OPA1: variants seen among roughly 807,000 people sequenced by gnomAD.
The protein encoded by OPA1 is OPA1 mitochondrial dynamin like GTPase.
A neutral mutation model predicts 152.9 loss-of-function variants in OPA1; 59 were observed. The observed-to-expected ratio is 0.39, with a 90% CI of 0.31 to 0.48. The LOEUF is 0.48. Ranked by LOEUF, OPA1 falls within the 20% of genes least tolerant of loss-of-function variation. The pLI is 0.96. For missense variants in OPA1, 1,008 were observed against 1,216.8 expected, an observed-to-expected ratio of 0.83 and a Z score of 2.55; for synonymous variants, 400 against 389.9, an observed-to-expected ratio of 1.03 and a Z score of -0.31.
At chr3:193,637,404 T>C (rs1733124637) in intron 10 of OPA1, 123 bp downstream of exon 10, 1 of 534,902 alleles carries the variant, frequency 1.9e-6, no homozygotes, top group South Asian at 3.1e-5. Context: ...GGCATTTATA[T>C]TTTTTATGTA....
intron 1 of OPA1, among the ~76,000 whole-genome samples, chr3:193,605,272 A>G (rs983048380): frequency 3.9e-5 from 6 of 152,180 alleles, no homozygotes; most frequent in Admixed American, 3.9e-4. Context: ...GACTACAGGA[A>G]ATCTTGGTAT....
At chr3:193,692,677 A>G (rs1284076740) in intron 30 of OPA1, among the ~76,000 whole-genome samples, 1 of 152,210 alleles carries the variant, frequency 6.6e-6, no homozygotes, top group Non-Finnish European at 1.5e-5. Context: ...CTGGCATTAG[A>G]GGCATGTTCC....
intron 12 of OPA1, 27 bp from the exon 13 acceptor site, chr3:193,642,948 T>G: frequency 6.2e-7 from 1 of 1,605,050 alleles, no homozygotes; most frequent in Non-Finnish European, 8.5e-7. Context: ...TTCTTAGATT[T>G]TCTTAGGATT....
intron 27 of OPA1, among the ~76,000 whole-genome samples, chr3:193,665,739 A>G (rs1256850743): frequency 6.6e-6 from 1 of 152,154 alleles, no homozygotes; most frequent in Non-Finnish European, 1.5e-5. Context: ...GCACCTAATT[A>G]AAAGTGGCAA....
chr3:193,653,412 T>G (rs1175787452), intron 21 of OPA1, among the ~76,000 whole-genome samples: 7 of 152,178 alleles, frequency 4.6e-5, no homozygotes, highest in Non-Finnish European at 7.3e-5. Context: ...TCTGCTACCC[T>G]GAGATTTGTG....
intron 1 of OPA1, among the ~76,000 whole-genome samples, chr3:193,610,195 G>A (rs1473349818): frequency 2.0e-5 from 3 of 152,176 alleles, no homozygotes; most frequent in African/African-American, 7.2e-5. Flanking sequence ...TGATGATGGT[G>A]ATGTACAGAT....
At chr3:193,686,012 A>G (rs934363716) in intron 29 of OPA1, among the ~76,000 whole-genome samples, 13 of 152,226 alleles carry the variant, frequency 8.5e-5, no homozygotes, top group Admixed American at 2.6e-4. Context: ...TAATTGCCCC[A>G]TAGATTATTA....
intron 28 of OPA1, 130 bp from the exon 29 acceptor site, chr3:193,667,040 A>G (rs1716722463): frequency 1.6e-6 from 1 of 637,158 alleles, no homozygotes; most frequent in Non-Finnish European, 2.8e-6. Context: ...ATTTTCTATG[A>G]CTATGAAAAG....
chr3:193,601,213 G>C (rs1431382442), intron 1 of OPA1, among the ~76,000 whole-genome samples: 1 of 152,066 alleles, frequency 6.6e-6, no homozygotes, highest in African/African-American at 2.4e-5. Flanking sequence ...CTACCACCAA[G>C]AGTGAGCCCC....
chr3:193,604,692 C>G (rs1427662232), intron 1 of OPA1, among the ~76,000 whole-genome samples: 1 of 151,758 alleles, frequency 6.6e-6, no homozygotes, highest in African/African-American at 2.4e-5. Context: ...GAAACCCTGT[C>G]TCTACTAAAA....
At chr3:193,663,473 A>G (rs1256024892) in intron 26 of OPA1, among the ~76,000 whole-genome samples, 2 of 152,188 alleles carry the variant, frequency 1.3e-5, no homozygotes, top group South Asian at 2.1e-4. Context: ...AATAGTCTAC[A>G]CTTTAGGCTA....
intron 1 of OPA1, among the ~76,000 whole-genome samples, chr3:193,611,444 C>G (rs551307649): frequency 2.6e-5 from 4 of 151,962 alleles, no homozygotes; most frequent in African/African-American, 9.6e-5. Context: ...TAAAAATACA[C>G]AGATTAGCTG....
chr3:193,645,515 C>G lies in OPA1; in HGVS notation c.1609-38C>G, dbSNP rs201813305. The G allele has an allele frequency of 2.0e-6, 3 of 1,499,524 alleles. No homozygotes were observed. The East Asian group carries it at 6.8e-5, about 34-fold the overall frequency. 92.9% of individuals were successfully genotyped at this position (1,499,524 alleles called of 1,614,324 possible). Reference sequence around the variant, plus strand: ...ATTACGCTTTTAAAACTTATGTAAACTATATCTCACATTAATTTTTCCCAC... The same window carrying G: ...ATTACGCTTTTAAAACTTATGTAAAGTATATCTCACATTAATTTTTCCCAC... On this transcript the variant is annotated intron_variant, in intron 16 of 30. Coordinates refer to ENST00000361510, the MANE Select transcript of OPA1 (RefSeq NM_130837.3).
intron 21 of OPA1, among the ~76,000 whole-genome samples, chr3:193,653,366 G>C (rs2109123394): frequency 6.6e-6 from 1 of 152,266 alleles, no homozygotes; most frequent in African/African-American, 2.4e-5. Context: ...CTCCTCACCA[G>C]AGAAGTTCAG....
Position 193,635,398 on chromosome 3 carries a change from C to G in OPA1, c.844-20C>G. 2 of 1,423,114 alleles carry G rather than the reference C, an allele frequency of 1.4e-6. No individual in the cohort carries two copies. The highest frequency in any genetic ancestry group is 2.0e-6 in the Non-Finnish European group (2 of 1,006,618). 88.2% of individuals were successfully genotyped at this position (1,423,114 alleles called of 1,614,324 possible). Reference sequence around the variant, plus strand: ...AACCCATCTTTTGCTTATATAGTTACACTTATTATTTTATTGCAGTTGAAG... The same window carrying G: ...AACCCATCTTTTGCTTATATAGTTAGACTTATTATTTTATTGCAGTTGAAG... On this transcript the variant is annotated intron_variant, in intron 8 of 30. Transcript: ENST00000361510.
chr3:193,683,565 A>G (rs989819312), intron 29 of OPA1, among the ~76,000 whole-genome samples: 1 of 152,128 alleles, frequency 6.6e-6, no homozygotes, highest in East Asian at 1.9e-4. Flanking sequence ...GGAAGAATCA[A>G]TCAGTGCAGC....
intron 29 of OPA1, chr3:193,667,519 A>C: frequency 8.9e-6 from 4 of 447,200 alleles, no homozygotes; most frequent in East Asian, 5.5e-5. Flanking sequence ...AAATACAAAA[A>C]ACTTAGCCAG....
chr3:193,604,115 A>G (rs981428443), intron 1 of OPA1, among the ~76,000 whole-genome samples: 2 of 152,228 alleles, frequency 1.3e-5, no homozygotes, highest in African/African-American at 4.8e-5. Context: ...AGCTTCTACC[A>G]GCTTGGCTGC....
At chr3:193,654,752 A>C (rs1410565912) in intron 21 of OPA1, 110 bp from the exon 22 acceptor site, 4 of 1,205,160 alleles carry the variant, frequency 3.3e-6, no homozygotes, top group Non-Finnish European at 4.7e-6. Flanking sequence ...AAAACTTATC[A>C]AAATTTTAAA....
Sources: allele counts gnomAD v4.1 joint callset (sites outside exome capture counted in the v4.1 genomes callset), GRCh38; gene constraint gnomAD v4.1.1; transcripts MANE v1.5; gene names NCBI Gene and HGNC (gene_info 2026-07-23, HGNC 2026-07-21).